The following FRMD8 variants were observed in gnomAD, a reference collection of about 807,000 sequenced individuals.
FRMD8 encodes FERM domain-containing protein 8.
A neutral mutation model predicts 54.2 loss-of-function variants in FRMD8; 37 were observed. The observed-to-expected ratio is 0.68, with a 90% CI of 0.53 to 0.90. The LOEUF (loss-of-function observed/expected upper bound fraction) is 0.90. Among genes scored for constraint, FRMD8 ranks in the 40% least tolerant of loss-of-function variants. The pLI, the probability that FRMD8 is intolerant of heterozygous loss-of-function variation, is 0.00. For synonymous variants in FRMD8, 246 were observed against 286.9 expected, an observed-to-expected ratio of 0.86 and a Z score of 1.44; for missense variants, 585 against 653.7, an observed-to-expected ratio of 0.89 and a Z score of 1.15.
chr11:65,386,805 G>T, intron 1 of FRMD8, 44 bp downstream of exon 1: 1 of 544,880 alleles, frequency 1.8e-6, no homozygotes, highest in South Asian at 2.4e-5. Context: ...GTCCCCGGCT[G>T]GGCGTGCGCC....
At chr11:65,384,394 T>G (rs537376965), upstream of FRMD8, among the ~76,000 whole-genome samples, 1 of 152,170 alleles carries the variant, frequency 6.6e-6, no homozygotes. Flanking sequence ...TCTCTCCCAG[T>G]GCCCCTCCTT....
Position 65,400,650 on chromosome 11 carries a change from G to T in FRMD8, c.928-74G>T. ...GGAGAGGCACACACCCTGGCCAGGT[G>T]TCTGAGTGGGATGGGGTGGGGAGCA... On this transcript the variant is annotated intron_variant, in intron 8 of 10. Transcript: ENST00000317568. This position sits in a 1 kb window ranked among gnomAD's most constrained non-coding sequence, Gnocchi z 4.3. 7.0e-7 allele frequency: 1 copy of T among 1,432,210 alleles called. No homozygotes were observed. 88.7% of individuals were successfully genotyped at this position (1,432,210 alleles called of 1,614,324 possible).
rs536039335 is a variant in FRMD8, at chr11:65,411,461, G to T, written c.*101G>T. ...CTGCAACAGTCTCATGGGTCACCAC[G>T]TGGGGAGGGCTGCCTCAGCAGGTTT... On this transcript the variant is annotated 3_prime_UTR_variant, in exon 11 of 11. Coordinates refer to ENST00000317568, the MANE Select transcript of FRMD8 (RefSeq NM_031904.5). The T allele has an allele frequency of 2.5e-5, 18 of 715,308 alleles. No homozygotes were observed. The highest frequency in any genetic ancestry group is 1.3e-4 in the South Asian group (6 of 45,686). The allele number at this position is 715,308 out of a possible 1,614,324, so 44.3% of individuals were successfully genotyped here. A position where few individuals can be genotyped will look rare whatever the true frequency, so the allele number is the denominator to read the frequency against.
intron 9 of FRMD8, among the ~76,000 whole-genome samples, chr11:65,403,927 G>A (rs976822817): frequency 7.2e-5 from 11 of 152,150 alleles, no homozygotes; most frequent in Admixed American, 5.2e-4. Context: ...CCGTCCCCTC[G>A]CCAGCCCACT....
the FRMD8 span, chr11:65,380,283 C>A: frequency 6.6e-7 from 1 of 1,508,442 alleles, no homozygotes. Context: ...GAGAGCAGGG[C>A]CATCTCAGAC....
intron 9 of FRMD8, among the ~76,000 whole-genome samples, chr11:65,401,281 C>T (rs1017949328): frequency 5.3e-5 from 8 of 150,774 alleles, no homozygotes; most frequent in Admixed American, 1.3e-4. Flanking sequence ...GTGTTTTACT[C>T]AGCACCGAGC....
At chr11:65,407,095 TGTG>T (rs1411781581) in intron 10 of FRMD8, among the ~76,000 whole-genome samples, 1 of 152,176 alleles carries the variant, frequency 6.6e-6, no homozygotes, top group Non-Finnish European at 1.5e-5. Flanking sequence ...TTAGCTCTGA[TGTG>T]GTGACAGAAC....
chr11:65,401,768 C>G (rs548321399), intron 9 of FRMD8, among the ~76,000 whole-genome samples: 2 of 151,406 alleles, frequency 1.3e-5, no homozygotes, highest in South Asian at 4.2e-4. Flanking sequence ...CTCTCCCTGC[C>G]TCATGGCTTT....
intron 5 of FRMD8, 56 bp from the exon 6 acceptor site, chr11:65,394,200 GAGC>G: frequency 6.3e-7 from 1 of 1,593,254 alleles, no homozygotes; most frequent in South Asian, 1.1e-5. Context: ...CAGCCCAACT[GAGC>G]AGCTCTCCCT....
upstream of FRMD8, chr11:65,381,797 A>T: frequency 1.5e-6 from 2 of 1,294,438 alleles, no homozygotes; most frequent in South Asian, 1.2e-5. Context: ...GGCTCAAGTG[A>T]TCCTCCCGCC....
At chr11:65,399,655 CAG>C in intron 7 of FRMD8, 79 bp from the exon 8 acceptor site, 2 of 1,544,442 alleles carry the variant, frequency 1.3e-6, no homozygotes, top group South Asian at 1.2e-5. Context: ...AGAAGTTCCT[CAG>C]AGCCCAGGTT....
intron 9 of FRMD8, among the ~76,000 whole-genome samples, chr11:65,403,448 G>C (rs1251322678): frequency 6.6e-6 from 1 of 152,258 alleles, no homozygotes; most frequent in Non-Finnish European, 1.5e-5. Context: ...CTCCCAAAGT[G>C]TTGGGATTAC....
chr11:65,373,554 G>C, the FRMD8 span, among the ~76,000 whole-genome samples: 1 of 152,076 alleles, frequency 6.6e-6, no homozygotes, highest in Non-Finnish European at 1.5e-5. Context: ...TCTGGGGTGG[G>C]GCCTGAGATG....
intron 6 of FRMD8, among the ~76,000 whole-genome samples, chr11:65,395,981 G>A (rs761161015): frequency 1.3e-5 from 2 of 152,108 alleles, no homozygotes; most frequent in Non-Finnish European, 2.9e-5. Flanking sequence ...TCCTTCACTC[G>A]CCTGGCTGCC....
Position 65,400,611 on chromosome 11 carries a change from G to A in FRMD8, c.928-113G>A, listed in dbSNP as rs1242808534. ...TCCTTACAGAAACACATGAACAAAT[G>A]TAGACTCAGCCTTGGAGAGGCACAC... On this transcript the variant is annotated intron_variant, in intron 8 of 10. Transcript: ENST00000317568. The surrounding 1 kb of genome is among the most constrained non-coding windows in gnomAD (Gnocchi z 4.3). 16 of 1,079,428 alleles carry A rather than the reference G, an allele frequency of 1.5e-5. No individual in the cohort carries two copies. Among genetic ancestry groups the A allele is most frequent in the Non-Finnish European group, 2.1e-5 (16 of 778,756 alleles). The allele number at this position is 1,079,428 out of a possible 1,614,324, so 66.9% of individuals were successfully genotyped here.
the FRMD8 span, among the ~76,000 whole-genome samples, chr11:65,369,227 T>C: frequency 6.6e-6 from 1 of 152,218 alleles, no homozygotes; most frequent in Non-Finnish European, 1.5e-5. Context: ...GTGATCAAGG[T>C]TTCCATAAGG....
the FRMD8 span, chr11:65,376,590 C>A: frequency 6.2e-7 from 1 of 1,614,160 alleles, no homozygotes; most frequent in Non-Finnish European, 8.5e-7. Flanking sequence ...CCATCTGCAT[C>A]CGGGACTTGA....
intron 6 of FRMD8, 88 bp from the exon 7 acceptor site, chr11:65,396,711 C>T (rs1855962516): frequency 1.2e-6 from 1 of 813,922 alleles, no homozygotes; most frequent in Non-Finnish European, 1.8e-6. Context: ...GTGTCTGCTT[C>T]CTCCAGGCAG....
upstream of FRMD8, among the ~76,000 whole-genome samples, chr11:65,385,891 G>T (rs1855721506): frequency 1.3e-5 from 2 of 151,936 alleles, no homozygotes; most frequent in African/African-American, 2.4e-5. Context: ...GCCCCCTGGG[G>T]TTCACACCAT....
Sources: gnomAD v4.1 joint callset for allele counts (sites outside exome capture counted in the v4.1 genomes callset) on GRCh38, gnomAD v4.1.1 for gene constraint, Gnocchi (gnomAD v3.1) non-coding constraint, MANE v1.5 for transcripts, NCBI Gene and HGNC (gene_info 2026-07-23, HGNC 2026-07-21) for gene names.